The following ARHGEF3 variants were observed in gnomAD, a reference collection of about 807,000 sequenced individuals.
ARHGEF3 encodes 59.8 kDA protein.
In ARHGEF3, 28 loss-of-function variants were observed where a neutral mutation model predicts 63.2. The observed-to-expected ratio is 0.44, with a 90% CI of 0.33 to 0.61. The LOEUF (loss-of-function observed/expected upper bound fraction) is 0.61. ARHGEF3 is among the 20% of genes least tolerant of loss of function. The pLI is 0.03. For missense variants in ARHGEF3, 533 were observed against 659.3 expected, an observed-to-expected ratio of 0.81 and a Z score of 2.10; for synonymous variants, 266 against 254.2, an observed-to-expected ratio of 1.05 and a Z score of -0.44.
At chr3:56,794,415 G>T (rs1408105635) in intron 1 of ARHGEF3, among the ~76,000 whole-genome samples, 2 of 150,066 alleles carry the variant, frequency 1.3e-5, no homozygotes, top group East Asian at 3.9e-4. Context: ...TTGAACCCGG[G>T]AGGCAGAGGT....
At chr3:57,040,419 G>C (rs1046175669) in intron 1 of ARHGEF3, among the ~76,000 whole-genome samples, 4 of 149,440 alleles carry the variant, frequency 2.7e-5, no homozygotes, top group African/African-American at 9.7e-5. Flanking sequence ...GGAGGTTGCA[G>C]TGAGCTGAGA....
At chr3:56,882,932 T>C (rs547233738) in intron 3 of ARHGEF3, among the ~76,000 whole-genome samples, 1 of 152,362 alleles carries the variant, frequency 6.6e-6, no homozygotes, top group African/African-American at 2.4e-5. Flanking sequence ...TCTCTTTGAG[T>C]TTCATTTTTT....
chr3:56,732,060 A>G (rs1306837542), intron 9 of ARHGEF3, 178 bp downstream of exon 9: 2 of 717,158 alleles, frequency 2.8e-6, no homozygotes, highest in Non-Finnish European at 4.6e-6. Context: ...CATTTTGGAG[A>G]TGAGAAACTG....
At chr3:56,767,489 CA>C (rs1365429998) in intron 2 of ARHGEF3, among the ~76,000 whole-genome samples, 2 of 142,486 alleles carry the variant, frequency 1.4e-5, no homozygotes, top group African/African-American at 5.4e-5. Flanking sequence ...GAGGCCGAGA[CA>C]GGAGAATGGC....
rs1254257136 is a variant in ARHGEF3, at chr3:56,920,663, T to A, written c.129+38160A>T. Among the ~76,000 whole-genome samples, 2 of 152,174 alleles carry A rather than the reference T, an allele frequency of 1.3e-5. 1 individual carries two copies. The highest frequency in any genetic ancestry group is 4.1e-4 in the South Asian group (2 of 4,824). On this transcript the variant is annotated intron_variant, in intron 3 of 12. Transcript: ENST00000338458. ...CCAGAAATGTCACAAAATCTTACAG[T>A]TGGAAAGGGAATTTCAAGGTCTTTA...
chr3:56,743,961 T>G (rs2034210889), intron 7 of ARHGEF3, among the ~76,000 whole-genome samples: 1 of 152,132 alleles, frequency 6.6e-6, no homozygotes, highest in South Asian at 2.1e-4. Flanking sequence ...GAGCTGGGAT[T>G]TGAATCCTGA....
intron 4 of ARHGEF3, among the ~76,000 whole-genome samples, chr3:56,807,292 C>T (rs113273442): frequency 7.9e-5 from 12 of 152,282 alleles, no homozygotes; most frequent in African/African-American, 2.2e-4. Context: ...ACATTTCTCC[C>T]CTCCTCTTCT....
intron 2 of ARHGEF3, among the ~76,000 whole-genome samples, chr3:56,973,930 A>T (rs1342381555): frequency 6.6e-6 from 1 of 152,170 alleles, no homozygotes; most frequent in Non-Finnish European, 1.5e-5. Context: ...TACAAAAAAT[A>T]AAAAAATTAG....
intron 4 of ARHGEF3, among the ~76,000 whole-genome samples, chr3:56,822,633 G>A (rs1413214923): frequency 1.3e-5 from 2 of 152,094 alleles, no homozygotes; most frequent in Non-Finnish European, 2.9e-5. Context: ...GGCCAAGGCA[G>A]GTTGATTGCC....
intron 6 of ARHGEF3, among the ~76,000 whole-genome samples, chr3:56,749,537 C>T (rs2034599599): frequency 2.0e-5 from 3 of 152,168 alleles, no homozygotes; most frequent in Admixed American, 2.0e-4. Context: ...AGTCCACAGA[C>T]TCAGGAAGTT....
chr3:56,934,508 G>A (rs1190591389), intron 3 of ARHGEF3, among the ~76,000 whole-genome samples: 5 of 149,944 alleles, frequency 3.3e-5, no homozygotes, highest in African/African-American at 1.0e-4. Flanking sequence ...CGGTGCTGGC[G>A]GGCCAGCTGG....
chr3:56,918,463 T>A (rs2108357797), intron 3 of ARHGEF3, among the ~76,000 whole-genome samples: 1 of 152,358 alleles, frequency 6.6e-6, no homozygotes, highest in East Asian at 1.9e-4. Flanking sequence ...ACCCGTGGGC[T>A]GCAGCACTTC....
intron 2 of ARHGEF3, among the ~76,000 whole-genome samples, chr3:56,970,059 C>T (rs1700841587): frequency 6.6e-6 from 1 of 152,272 alleles, no homozygotes; most frequent in Admixed American, 6.5e-5. Context: ...GGAGTGACTG[C>T]TTAATGAGTA....
intron 2 of ARHGEF3, among the ~76,000 whole-genome samples, chr3:57,020,048 G>A (rs767504381): frequency 2.0e-5 from 3 of 152,124 alleles, no homozygotes; most frequent in South Asian, 2.1e-4. Flanking sequence ...ACAGGCGAGC[G>A]CCACCTCGCC....
chr3:56,968,495 CT>C (rs540807108), intron 2 of ARHGEF3, among the ~76,000 whole-genome samples: 71 of 132,614 alleles, frequency 5.4e-4, no homozygotes, highest in South Asian at 7.1e-4. Flanking sequence ...GCACAACTAG[CT>C]TTTTTTTTTT....
intron 1 of ARHGEF3, among the ~76,000 whole-genome samples, chr3:56,796,171 C>G (rs996777567): frequency 6.6e-6 from 1 of 152,140 alleles, no homozygotes; most frequent in Non-Finnish European, 1.5e-5. Context: ...CAGATACACA[C>G]ATCATCAATA....
intron 2 of ARHGEF3, among the ~76,000 whole-genome samples, chr3:56,967,459 TATATATTATATA>T (rs1423879742): frequency 3.1e-4 from 19 of 60,446 alleles, no homozygotes; most frequent in Middle Eastern, 0.015. Flanking sequence ...TTATACATAT[TATATATTATATA>T]ATATATTATA....
chr3:56,967,780 A>ATAT (rs1700626975), intron 2 of ARHGEF3, among the ~76,000 whole-genome samples: 1 of 86,402 alleles, frequency 1.2e-5, no homozygotes, highest in African/African-American at 4.7e-5. Context: ...ATATTATATT[A>ATAT]TATGATTATA....
At chr3:56,825,418 GCAGTTGGGAAGAGGGAAA>G (rs1329739379) in intron 4 of ARHGEF3, among the ~76,000 whole-genome samples, 14 of 152,194 alleles carry the variant, frequency 9.2e-5, no homozygotes, top group African/African-American at 2.4e-4. Flanking sequence ...ACTATAGTCA[GCAGTTGGGAAGAGGGAAA>G]CAATCCCTCT....
Sources: gnomAD v4.1 joint callset for allele counts (sites outside exome capture counted in the v4.1 genomes callset) on GRCh38, gnomAD v4.1.1 for gene constraint, MANE v1.5 for transcripts, NCBI Gene and HGNC (gene_info 2026-07-23, HGNC 2026-07-21) for gene names.